FOXP1: variants seen among roughly 807,000 people sequenced by gnomAD.
FOXP1 encodes forkhead box protein P1.
A neutral mutation model predicts 98.2 loss-of-function variants in FOXP1; 15 were observed. The observed-to-expected ratio is 0.15, with a 90% CI of 0.10 to 0.24. FOXP1 has a LOEUF of 0.24. FOXP1 is among the 10% of genes least tolerant of loss of function. The pLI is 1.00. For synonymous variants in FOXP1, 371 were observed against 314.5 expected (o/e 1.18, Z -1.90); for missense variants, 633 against 848.5 (o/e 0.75, Z 3.15).
intron 7 of FOXP1, among the ~76,000 whole-genome samples, chr3:71,101,433 G>T (rs2056948141): frequency 6.6e-6 from 1 of 151,860 alleles, no homozygotes; most frequent in Non-Finnish European, 1.5e-5. Flanking sequence ...TTGGGTTCCA[G>T]AAATGAACTG....
chr3:70,962,911 G>A (rs1472392753), intron 20 of FOXP1, among the ~76,000 whole-genome samples: 1 of 152,166 alleles, frequency 6.6e-6, no homozygotes, highest in African/African-American at 2.4e-5. Context: ...TCAGGTGCAT[G>A]TAAAGCCCCA....
intron 5 of FOXP1, among the ~76,000 whole-genome samples, chr3:71,265,150 A>G (rs1325012732): frequency 2.0e-5 from 3 of 152,180 alleles, no homozygotes; most frequent in Non-Finnish European, 4.4e-5. Context: ...AGAAAACAAC[A>G]CATTCTACCT....
intron 2 of FOXP1, among the ~76,000 whole-genome samples, chr3:71,556,279 CT>C (rs1455398793): frequency 2.6e-5 from 4 of 152,094 alleles, no homozygotes; most frequent in Non-Finnish European, 5.9e-5. Context: ...TCTATACCAT[CT>C]TTCACCTTGA....
intron 5 of FOXP1, among the ~76,000 whole-genome samples, chr3:71,222,025 C>T (rs72953346): frequency 0.12 from 17,828 of 152,064 alleles, 1,239 homozygotes; most frequent in South Asian, 0.24. Context: ...TGGTGGCGTG[C>T]GCCAGTAGTC....
At chr3:70,963,225 C>G (rs2033973578) in intron 20 of FOXP1, among the ~76,000 whole-genome samples, 1 of 152,176 alleles carries the variant, frequency 6.6e-6, no homozygotes, top group Non-Finnish European at 1.5e-5. Context: ...GGGTCCCCAA[C>G]AAATGTTAAC....
chr3:71,392,775 G>A (rs1363798464), intron 3 of FOXP1, among the ~76,000 whole-genome samples: 3 of 152,048 alleles, frequency 2.0e-5, no homozygotes, highest in Non-Finnish European at 2.9e-5. Flanking sequence ...TTTTTTTCAT[G>A]TATTGTTCAC....
rs34104249 is a variant in FOXP1, at chr3:71,185,192, C to CA, written c.180+13009dup. On this transcript the variant is annotated intron_variant, in intron 6 of 20. Transcript: ENST00000649528. ...TGGATGACAGACCACGACTCCGTCTCAAAAAAAAAAAGTATTAGAAACATG... is the reference window on the plus strand; with the variant it reads ...TGGATGACAGACCACGACTCCGTCTCAAAAAAAAAAAAGTATTAGAAACATG... 8.2e-4 allele frequency among the ~76,000 whole-genome samples: 117 copies of CA among 142,464 alleles called. 1 individual carries two copies. Among genetic ancestry groups the CA allele is most frequent in the Admixed American group, 1.8e-3 (26 of 14,228 alleles). The allele number at this position is 142,464 out of a possible 152,430, so 93.5% of individuals were successfully genotyped here.
intron 3 of FOXP1, among the ~76,000 whole-genome samples, chr3:71,469,809 C>T (rs1420885391): frequency 1.3e-5 from 2 of 152,040 alleles, no homozygotes; most frequent in Middle Eastern, 3.2e-3. Context: ...AATATCAGTT[C>T]CCCCCCAGTG....
intron 5 of FOXP1, among the ~76,000 whole-genome samples, chr3:71,237,742 T>C (rs761531022): frequency 2.0e-5 from 3 of 152,250 alleles, no homozygotes; most frequent in African/African-American, 7.2e-5. Flanking sequence ...CATGGGGATA[T>C]GTGTAAACAC....
intron 2 of FOXP1, among the ~76,000 whole-genome samples, chr3:71,561,218 G>A (rs569803264): frequency 1.3e-4 from 19 of 151,862 alleles, no homozygotes; most frequent in African/African-American, 3.4e-4. Context: ...CACCACGCCC[G>A]GCTCATTTTG....
At chr3:71,130,709 G>A in intron 6 of FOXP1, 2 of 1,539,178 alleles carry the variant, frequency 1.3e-6, no homozygotes, top group Non-Finnish European at 1.7e-6. Context: ...ACCTCAGGGA[G>A]GTTTGCCTCC....
intron 9 of FOXP1, among the ~76,000 whole-genome samples, chr3:71,051,960 C>T (rs916906231): frequency 7.2e-5 from 11 of 152,164 alleles, no homozygotes; most frequent in Admixed American, 7.2e-4. Context: ...GAAAACACAA[C>T]CCAAGCTGGA....
intron 7 of FOXP1, among the ~76,000 whole-genome samples, chr3:71,088,044 T>A (rs888608783): frequency 6.6e-5 from 10 of 152,214 alleles, no homozygotes; most frequent in African/African-American, 2.4e-4. Flanking sequence ...GCTGTAAGAC[T>A]ATGGTCAAAA....
At chr3:71,266,251 G>GT (rs1182388234) in intron 5 of FOXP1, among the ~76,000 whole-genome samples, 4 of 148,850 alleles carry the variant, frequency 2.7e-5, no homozygotes, top group African/African-American at 9.8e-5. Context: ...TTTTAAATTT[G>GT]TTTATTTTTT....
At chr3:71,411,375 C>T (rs1047666490) in intron 3 of FOXP1, among the ~76,000 whole-genome samples, 2 of 151,642 alleles carry the variant, frequency 1.3e-5, no homozygotes, top group South Asian at 2.1e-4. Flanking sequence ...AGTGCAGTGG[C>T]GCGATATGGG....
Position 71,422,252 on chromosome 3 carries a change from A to G in FOXP1, c.-167-63008T>C, listed in dbSNP as rs562457569. Among the ~76,000 whole-genome samples the G allele has an allele frequency of 7.8e-4, 118 of 152,250 alleles. 1 individual carries two copies. The highest frequency in any genetic ancestry group is 1.5e-3 in the Non-Finnish European group (104 of 68,046). ...GAGAGAAGCATGCAACAGCATCAGC[A>G]TAAACACGAACTTCTCAACCAACAA... On this transcript the variant is annotated intron_variant, in intron 3 of 20. Coordinates refer to ENST00000649528, the MANE Select transcript of FOXP1 (RefSeq NM_001349338.3).
intron 7 of FOXP1, among the ~76,000 whole-genome samples, chr3:71,103,273 T>C (rs547571074): frequency 6.6e-6 from 1 of 152,362 alleles, no homozygotes; most frequent in South Asian, 2.1e-4. Flanking sequence ...AAATACTATA[T>C]TGTGGAACTT....
intron 7 of FOXP1, among the ~76,000 whole-genome samples, chr3:71,080,093 C>T (rs2054250620): frequency 6.6e-6 from 1 of 152,218 alleles, no homozygotes; most frequent in African/African-American, 2.4e-5. Context: ...CCTCTCCAAT[C>T]ACCTCTCCTA....
intron 7 of FOXP1, among the ~76,000 whole-genome samples, chr3:71,055,439 A>C (rs1349968834): frequency 1.3e-5 from 2 of 152,082 alleles, no homozygotes; most frequent in African/African-American, 4.8e-5. Context: ...ATACACTGTA[A>C]TTTAAAACAG....
Sources: gnomAD v4.1 joint callset for allele counts (sites outside exome capture counted in the v4.1 genomes callset) on GRCh38, gnomAD v4.1.1 for gene constraint, MANE v1.5 for transcripts, NCBI Gene and HGNC (gene_info 2026-07-23, HGNC 2026-07-21) for gene names.